The following CAVIN1 variants were observed in gnomAD, a reference collection of about 807,000 sequenced individuals.
CAVIN1 encodes caveolae associated protein 1, also known as caveolae-associated protein 1.
A neutral mutation model predicts 24.0 loss-of-function variants in CAVIN1; 16 were observed. That is an observed-to-expected ratio of 0.67 (90% CI 0.45 to 1.01). CAVIN1 has a LOEUF of 1.01. CAVIN1 is among the 50% of genes least tolerant of loss of function. The probability of loss-of-function intolerance (pLI) is 0.00; values close to 1 mark genes in which losing one functional copy is unlikely to be tolerated. For missense variants in CAVIN1, 510 were observed against 551.7 expected, an observed-to-expected ratio of 0.92 and a Z score of 0.76; for synonymous variants, 256 against 256.4, an observed-to-expected ratio of 1.00 and a Z score of 0.02.
rs1217564726 is a variant in CAVIN1, at chr17:42,422,826, C to G, written c.272G>C (p.Gly91Ala). Residue 91 changes from glycine to alanine, a missense_variant, in exon 1 of 2, where the codon GGC (glycine) becomes GCC (alanine). Physicochemically the swap from Gly to Ala is moderately conservative, Grantham distance 60. Coordinates refer to ENST00000357037, the MANE Select transcript of CAVIN1 (RefSeq NM_012232.6). ...CGCCTTGCCCAGCTTGCTCAGCTCGCCCTGGATGCTCTGCACTGCGCCCTC... is the reference window on the plus strand; with the variant it reads ...CGCCTTGCCCAGCTTGCTCAGCTCGGCCTGGATGCTCTGCACTGCGCCCTC... The part of the protein sequence containing the change: ...EMEGAVQSIQ[G>A]ELSKLGKAHA... 8 of 1,613,640 alleles carry G rather than the reference C, an allele frequency of 5.0e-6. No homozygotes were observed. The African/African-American group carries it at 1.1e-4, about 22-fold the overall frequency.
chr17:42,404,462 C>T lies in CAVIN1; in HGVS notation c.*225G>A. On this transcript the variant is annotated 3_prime_UTR_variant, in exon 2 of 2. Coordinates refer to ENST00000357037, the MANE Select transcript of CAVIN1 (RefSeq NM_012232.6). The stretch of plus-strand genomic sequence containing the variant: ...AACCAGGACAGGGATTGACCATTCC[C>T]TTCCCATTCCACTCGGACTGTGTCC... 2.4e-6 allele frequency: 1 copy of T among 418,538 alleles called. No individual in the cohort carries two copies. Among genetic ancestry groups the T allele is most frequent in the Non-Finnish European group, 4.2e-6 (1 of 235,844 alleles). The allele number at this position is 418,538 out of a possible 1,614,324, so 25.9% of individuals were successfully genotyped here.
chr17:42,416,240 T>G (rs528031128), intron 1 of CAVIN1, among the ~76,000 whole-genome samples: 1 of 152,174 alleles, frequency 6.6e-6, no homozygotes, highest in African/African-American at 2.4e-5. Context: ...TGGTGGCACA[T>G]GCCTGTAATC....
intron 1 of CAVIN1, among the ~76,000 whole-genome samples, chr17:42,411,191 T>TC (rs1804489464): frequency 1.9e-4 from 1 of 5,402 alleles, no homozygotes; most frequent in African/African-American, 2.8e-4. Flanking sequence ...GGACTATGTC[T>TC]CAAAAAAAAA....
At chr17:42,405,432 G>A (rs1028523305) in intron 1 of CAVIN1, 44 bp from the exon 2 acceptor site, 1 of 1,586,732 alleles carries the variant, frequency 6.3e-7, no homozygotes, top group South Asian at 1.1e-5. Flanking sequence ...CGGAGGAGGC[G>A]GATGTGGGCG....
intron 1 of CAVIN1, chr17:42,412,375 A>T (rs1036640408): frequency 2.4e-4 from 99 of 404,400 alleles, no homozygotes; most frequent in Non-Finnish European, 2.9e-4. Flanking sequence ...ATGTATTAGG[A>T]TGGAAATAAA....
chr17:42,405,217 C>T lies in CAVIN1; in HGVS notation c.643G>A (p.Glu215Lys), dbSNP rs2085436198. The T allele has an allele frequency of 6.2e-7, 1 of 1,613,850 alleles. No individual in the cohort carries two copies. Among genetic ancestry groups the T allele is most frequent in the Non-Finnish European group, 8.5e-7 (1 of 1,179,972 alleles). ...CGCTTGATACGCTCTGCGCGGGACT[C>T]CTCAATAACCTCCTCAACCTCCACC... ...EAVEVEEVIEESRAERIKRSG... is the reference protein window; with the variant it reads ...EAVEVEEVIEKSRAERIKRSG... Residue 215 changes from glutamate (E) to lysine (K), a missense_variant, in exon 2 of 2, where the codon GAG (glutamate) becomes AAG (lysine). Transcript: ENST00000357037.
At chr17:42,413,559 A>G (rs2085492965) in intron 1 of CAVIN1, among the ~76,000 whole-genome samples, 1 of 66,590 alleles carries the variant, frequency 1.5e-5, no homozygotes, top group Non-Finnish European at 3.2e-5. Context: ...AGTCTGTCTC[A>G]AAAAGGGAAA....
chr17:42,405,158 C>T lies in CAVIN1; in HGVS notation c.702G>A (p.Lys234=). 1 of 1,614,020 alleles carries T rather than the reference C, an allele frequency of 6.2e-7. No homozygotes were observed. The highest frequency in any genetic ancestry group is 8.5e-7 in the Non-Finnish European group (1 of 1,180,002). The change falls in exon 2 of 2, where the codon AAG becomes AAA. Residue 234 remains lysine, a synonymous_variant. Transcript: ENST00000357037. ...TCTCCATCTTCTCCTTGGAGAAGGC[C>T]TTCTTGAAGTCGTCCACGCGCCGCA... ...SGLRRVDDFK[K]AFSKEKMEKT...
chr17:42,417,816 A>T (rs1317482286), intron 1 of CAVIN1, among the ~76,000 whole-genome samples: 1 of 151,580 alleles, frequency 6.6e-6, no homozygotes, highest in Admixed American at 6.6e-5. Context: ...CCACCACCAC[A>T]CCCACCTAAT....
At position 42,404,724 on chromosome 17, in the gene CAVIN1, G is replaced by T. The variant is rs755508830; in HGVS notation, c.1136C>A (p.Ser379Ter). 1.3e-6 allele frequency: 2 copies of T among 1,495,564 alleles called. No homozygotes were observed. The allele number at this position is 1,495,564 out of a possible 1,614,324, so 92.6% of individuals were successfully genotyped here. The change falls in exon 2 of 2, where the codon TCG becomes TAG. Residue 379 changes from serine to a stop codon, truncating the protein, a stop_gained. Coordinates refer to ENST00000357037, the MANE Select transcript of CAVIN1 (RefSeq NM_012232.6). LOFTEE classifies it high-confidence loss of function. ...VHALLEITEE[S>*]DAVLVDKSDS... is the part of the protein sequence containing the mutation. ...GCTCTTGTCCACCAGCACGGCGTCC[G>T]ACTCCTCGGTGATCTCCAGCAGCGC... is the stretch of plus-strand genomic sequence containing the variant.
rs1042370387 is a variant in CAVIN1 at position 42,422,708 on chromosome 17, GC to G, written c.389del (p.Arg130ProfsTer25). ...NVKTVRGSLE[R>X]QAGQIKKLEV... The stretch of plus-strand genomic sequence containing the variant: ...CCAGCTTCTTGATCTGCCCCGCCTG[GC>G]GCTCCAGGCTGCCGCGCACGGTCTT... On this transcript the variant is annotated frameshift_variant, in exon 1 of 2. Transcript: ENST00000357037. LOFTEE classifies it high-confidence loss of function. 6.2e-7 allele frequency: 1 copy of G among 1,608,844 alleles called. No homozygotes were observed. The highest frequency in any genetic ancestry group is 8.5e-7 in the Non-Finnish European group (1 of 1,177,948).
chr17:42,414,910 G>A (rs890863688), intron 1 of CAVIN1, among the ~76,000 whole-genome samples: 5 of 142,442 alleles, frequency 3.5e-5, no homozygotes, highest in South Asian at 2.3e-4. Context: ...CCTCCCCTAC[G>A]CCCCTCCCCT....
Position 42,404,797 on chromosome 17 carries a change from G to A in CAVIN1, c.1063C>T (p.Arg355Cys). Reference sequence around the variant, plus strand: ...CGCCGCAGGTCGCCGGCCTCCCCGCGCTCCGCGCCGCCCTCGTCGTCGTCG... The same window carrying A: ...CGCCGCAGGTCGCCGGCCTCCCCGCACTCCGCGCCGCCCTCGTCGTCGTCG... ...GADDDEGGAE[R>C]GEAGDLRRGS... The change falls in exon 2 of 2, where the codon CGC becomes TGC. Residue 355 changes from arginine to cysteine, a missense_variant. Coordinates refer to ENST00000357037, the MANE Select transcript of CAVIN1 (RefSeq NM_012232.6). 3 of 1,606,288 alleles carry A rather than the reference G, an allele frequency of 1.9e-6. No homozygotes were observed. The highest frequency in any genetic ancestry group is 1.3e-5 in the African/African-American group (1 of 74,744).
rs1021742722 is a variant in CAVIN1 at position 42,419,283 on chromosome 17, G to C, written c.471+3344C>G. On this transcript the variant is annotated intron_variant, in intron 1 of 1. Transcript: ENST00000357037. Reference sequence around the variant, plus strand: ...GATCATAGTTCCACTCATCTGCATGGCATTTTATTTTATTTATTGTTGTTA... The same window carrying C: ...GATCATAGTTCCACTCATCTGCATGCCATTTTATTTTATTTATTGTTGTTA... Among the ~76,000 whole-genome samples, 5 of 151,150 alleles carry C rather than the reference G, an allele frequency of 3.3e-5. 1 individual carries two copies. Among genetic ancestry groups the C allele is most frequent in the Admixed American group, 2.6e-4 (4 of 15,124 alleles).
chr17:42,422,571 C>T (rs1427937683), intron 1 of CAVIN1, 56 bp downstream of exon 1: 2 of 1,413,802 alleles, frequency 1.4e-6, no homozygotes, highest in East Asian at 5.0e-5. Flanking sequence ...AACTCCCAGG[C>T]AGGGGACGCG....
At chr17:42,407,361 C>T (rs1277810612) in intron 1 of CAVIN1, among the ~76,000 whole-genome samples, 3 of 151,998 alleles carry the variant, frequency 2.0e-5, no homozygotes, top group South Asian at 2.1e-4. Flanking sequence ...ATTAAGGCAA[C>T]ATAAACTGAG....
chr17:42,413,566 G>GAAAAAAAAAAAAAAAAAAAAA (rs60085741), intron 1 of CAVIN1, among the ~76,000 whole-genome samples: 4 of 56,960 alleles, frequency 7.0e-5, no homozygotes, highest in Non-Finnish European at 9.2e-5. Flanking sequence ...CTCAAAAAGG[G>GAAAAAAAAAAAAAAAAAAAAA]AAAAAAAAAA....
chr17:42,405,952 T>G (rs1028354380), intron 1 of CAVIN1, among the ~76,000 whole-genome samples: 43 of 152,046 alleles, frequency 2.8e-4, no homozygotes, highest in African/African-American at 9.7e-4. Flanking sequence ...CTCCCAAAGT[T>G]CTGGGATTAC....
In CAVIN1 at chr17:42,405,184, G is replaced by T. The variant is rs1335922636; in HGVS notation, c.676C>A (p.Leu226Met). The T allele has an allele frequency of 6.2e-7, 1 of 1,614,090 alleles. No individual in the cohort carries two copies. Residue 226 changes from leucine to methionine, a missense_variant, in exon 2 of 2, where the codon CTG becomes ATG. Coordinates refer to ENST00000357037, the MANE Select transcript of CAVIN1 (RefSeq NM_012232.6). Reference sequence around the variant, plus strand: ...TTCTTGAAGTCGTCCACGCGCCGCAGGCCGCTGCGCTTGATACGCTCTGCG... The same window carrying T: ...TTCTTGAAGTCGTCCACGCGCCGCATGCCGCTGCGCTTGATACGCTCTGCG... ...SRAERIKRSG[L>M]RRVDDFKKAF...
Sources: allele counts gnomAD v4.1 joint callset (sites outside exome capture counted in the v4.1 genomes callset), GRCh38; gene constraint gnomAD v4.1.1; transcripts MANE v1.5; gene names NCBI Gene and HGNC (gene_info 2026-07-23, HGNC 2026-07-21).